The following GRK4 variants were observed in gnomAD, a reference collection of about 807,000 sequenced individuals.
GRK4 encodes the protein G protein-coupled receptor kinase 4.
A neutral mutation model predicts 77.9 loss-of-function variants in GRK4; 73 were observed. That is an observed-to-expected ratio of 0.94 (90% CI 0.78 to 1.14). The LOEUF is 1.14. Among genes scored for constraint, GRK4 ranks in the 50% most tolerant of loss-of-function variants. GRK4 has a pLI of 0.00. For missense variants in GRK4, 729 were observed against 700.2 expected (o/e 1.04, Z -0.46); for synonymous variants, 257 against 254.4 (o/e 1.01, Z -0.10).
At chr4:2,979,236 CA>C (rs889776683) in intron 1 of GRK4, among the ~76,000 whole-genome samples, 6 of 144,624 alleles carry the variant, frequency 4.1e-5, no homozygotes, top group African/African-American at 7.7e-5. Context: ...AAAAAAAAAA[CA>C]AAAAAAAACC....
intron 1 of GRK4, among the ~76,000 whole-genome samples, chr4:2,970,239 A>G (rs1017088565): frequency 6.6e-6 from 1 of 152,106 alleles, no homozygotes; most frequent in East Asian, 1.9e-4. Context: ...TATATTTTCT[A>G]CTTTGTCTAT....
chr4:2,972,140 GC>G (rs1719747689), intron 1 of GRK4, among the ~76,000 whole-genome samples: 1 of 152,146 alleles, frequency 6.6e-6, no homozygotes, highest in Non-Finnish European at 1.5e-5. Context: ...AAACACTGTG[GC>G]CCCACTTTAC....
chr4:2,977,783 G>A (rs1166230523), intron 1 of GRK4, among the ~76,000 whole-genome samples: 5 of 152,154 alleles, frequency 3.3e-5, no homozygotes, highest in Non-Finnish European at 7.4e-5. Context: ...CGTGGAAGTG[G>A]CATAAACACT....
chr4:2,978,179 AAAAGGG>A (rs1415109855), intron 1 of GRK4, among the ~76,000 whole-genome samples: 5 of 152,248 alleles, frequency 3.3e-5, no homozygotes, highest in African/African-American at 1.2e-4. Flanking sequence ...AGTGGGAAGA[AAAAGGG>A]AAAACAACTT....
chr4:3,002,879 C>G (rs1730247096), intron 4 of GRK4, among the ~76,000 whole-genome samples: 3 of 152,098 alleles, frequency 2.0e-5, no homozygotes. Context: ...GAAAAAGAAA[C>G]TATCTGAAGA....
Position 3,013,597 on chromosome 4 carries a change from G to C in GRK4, c.601-91G>C, listed in dbSNP as rs151093840. On this transcript the variant is annotated intron_variant, in intron 7 of 15. Transcript: ENST00000398052. ...CATGCACTGCTGCTGGTCTCTGCCAGTGAGGGTCTCATCAAGCAAAGAGCT... is the reference window on the plus strand; with the variant it reads ...CATGCACTGCTGCTGGTCTCTGCCACTGAGGGTCTCATCAAGCAAAGAGCT... The C allele has an allele frequency of 1.9e-3, 2,764 of 1,456,874 alleles. 43 individuals are homozygous for C. The African/African-American group carries it at 0.033, about 18-fold the overall frequency. The allele number at this position is 1,456,874 out of a possible 1,614,324, so 90.2% of individuals were successfully genotyped here. A position where few individuals can be genotyped will look rare whatever the true frequency, so the allele number is the denominator to read the frequency against.
At chr4:2,975,370 G>A (rs879611991) in intron 1 of GRK4, among the ~76,000 whole-genome samples, 3 of 152,108 alleles carry the variant, frequency 2.0e-5, no homozygotes, top group Non-Finnish European at 2.9e-5. Flanking sequence ...TCAGGATTCC[G>A]CAGCCTACAT....
chr4:2,992,173 C>A (rs1726398569), intron 3 of GRK4, 42 bp from the exon 4 acceptor site: 1 of 1,432,324 alleles, frequency 7.0e-7, no homozygotes, highest in Non-Finnish European at 9.8e-7. Flanking sequence ...ACCACCACAC[C>A]CAGCTTAACT....
At position 3,035,418 on chromosome 4, in the gene GRK4, C is replaced by T. The variant is rs779275492; in HGVS notation, c.1302C>T (p.Gly434=). ...CCAAGAATCCAAGCAAGCGGCTGGGCTGCAGGGGCGAGGGAGCGGCTGGGG... is the reference window on the plus strand; with the variant it reads ...CCAAGAATCCAAGCAAGCGGCTGGGTTGCAGGGGCGAGGGAGCGGCTGGGG... ...LLTKNPSKRL[G]CRGEGAAGVK... Residue 434 remains glycine (G), a synonymous_variant, in exon 13 of 16, where the codon GGC becomes GGT. Transcript: ENST00000398052. 1.2e-6 allele frequency: 2 copies of T among 1,613,822 alleles called. No individual in the cohort carries two copies. Among genetic ancestry groups the T allele is most frequent in the African/African-American group, 2.7e-5 (2 of 74,892 alleles).
rs372325574 is a variant in GRK4 at position 2,969,545 on chromosome 4, T to A, written c.52+5423T>A. The stretch of plus-strand genomic sequence containing the variant: ...GCATGCACTACCACGCCCGGCTAAT[T>A]TTGTATTTTTAGTAAAGATGGGGTT... On this transcript the variant is annotated intron_variant, in intron 1 of 15. Coordinates refer to ENST00000398052, the MANE Select transcript of GRK4 (RefSeq NM_182982.3). 8.6e-5 allele frequency among the ~76,000 whole-genome samples: 13 copies of A among 151,790 alleles called. No homozygotes were observed. In the East Asian group the frequency reaches 2.5e-3, roughly 30 times the overall value.
chr4:3,015,929 T>C (rs1734340620), intron 8 of GRK4, among the ~76,000 whole-genome samples: 1 of 147,312 alleles, frequency 6.8e-6, no homozygotes, highest in African/African-American at 2.5e-5. Context: ...TTTTTTTTGA[T>C]ACAGAGTCTC....
At chr4:3,039,684 G>A (rs1741853299) in intron 15 of GRK4, among the ~76,000 whole-genome samples, 2 of 136,004 alleles carry the variant, frequency 1.5e-5, no homozygotes, top group Admixed American at 1.6e-4. Flanking sequence ...GGTGACAAGA[G>A]TGAAACTCTG....
chr4:3,030,420 A>T (rs991589238), intron 12 of GRK4, among the ~76,000 whole-genome samples: 10 of 147,764 alleles, frequency 6.8e-5, no homozygotes, highest in African/African-American at 2.5e-4. Context: ...TTTTTAGCAC[A>T]TTTTTTTTTT....
intron 13 of GRK4, among the ~76,000 whole-genome samples, chr4:3,036,812 C>CTG (rs1740777424): frequency 6.6e-6 from 1 of 152,168 alleles, no homozygotes; most frequent in African/African-American, 2.4e-5. Flanking sequence ...GGAGCTGCTG[C>CTG]TGTTCCTCAG....
chr4:3,013,178 G>A (rs1467360287), intron 7 of GRK4, among the ~76,000 whole-genome samples: 2 of 151,580 alleles, frequency 1.3e-5, no homozygotes, highest in Non-Finnish European at 2.9e-5. Context: ...GGAGTAGCTG[G>A]GGCTACAGGC....
Position 3,002,175 on chromosome 4 carries a change from G to A in GRK4, c.340-2056G>A, listed in dbSNP as rs565306308. Among the ~76,000 whole-genome samples the A allele has an allele frequency of 2.4e-4, 36 of 152,252 alleles. 1 individual carries two copies. The South Asian group carries it at 7.1e-3, about 30-fold the overall frequency. On this transcript the variant is annotated intron_variant, in intron 4 of 15. Coordinates refer to ENST00000398052, the MANE Select transcript of GRK4 (RefSeq NM_182982.3). ...TATAGAAATACACATGTATAGAGAC[G>A]TTCACGGTGGTGCTGTTTGCGTGGG...
At chr4:3,022,518 G>A in intron 10 of GRK4, 67 bp downstream of exon 10, 1 of 1,428,710 alleles carries the variant, frequency 7.0e-7, no homozygotes, top group Non-Finnish European at 9.8e-7. Context: ...ACAGAAAGTT[G>A]GATGCAGAAA....
At chr4:3,026,732 C>T (rs1008370743) in intron 10 of GRK4, among the ~76,000 whole-genome samples, 7 of 152,234 alleles carry the variant, frequency 4.6e-5, no homozygotes, top group South Asian at 2.1e-4. Context: ...CCAGGGTGGG[C>T]GCGCAGCAAG....
intron 4 of GRK4, among the ~76,000 whole-genome samples, chr4:2,996,222 G>A (rs78913435): frequency 3.5e-4 from 53 of 152,312 alleles, no homozygotes; most frequent in African/African-American, 1.1e-3. Flanking sequence ...GGGATAACAA[G>A]ATAAGGGCAC....
Sources: gnomAD v4.1 joint callset for allele counts (sites outside exome capture counted in the v4.1 genomes callset) on GRCh38, gnomAD v4.1.1 for gene constraint, MANE v1.5 for transcripts, NCBI Gene and HGNC (gene_info 2026-07-23, HGNC 2026-07-21) for gene names.